PRKG1: variants seen among roughly 807,000 people sequenced by gnomAD.
PRKG1 encodes the protein protein kinase cGMP-dependent 1.
In PRKG1, 35 loss-of-function variants were observed where a neutral mutation model predicts 88.1. The ratio of observed to expected loss-of-function variants is 0.40; its 90% CI spans 0.30 to 0.53. The LOEUF (loss-of-function observed/expected upper bound fraction) is 0.53, where lower values mean the gene tolerates loss of function less well. Ranked by LOEUF, PRKG1 falls within the 20% of genes least tolerant of loss-of-function variation. PRKG1 has a pLI of 0.59. For synonymous variants in PRKG1, 303 were observed against 292.5 expected (o/e 1.04, Z -0.37); for missense variants, 540 against 839.8 (o/e 0.64, Z 4.41).
At position 51,923,411 on chromosome 10, in the gene PRKG1, A is replaced by C. The variant is rs73335466; in HGVS notation, c.762+15841A>C. Among the ~76,000 whole-genome samples the C allele has an allele frequency of 9.4e-3, 1,419 of 151,392 alleles. 23 individuals carry two copies. The highest frequency in any genetic ancestry group is 0.032 in the African/African-American group (1,338 of 41,354). On this transcript the variant is annotated intron_variant, in intron 5 of 17. Transcript: ENST00000373980. ...AAGTAGTTATAGATAATTTGAAATA[A>C]TATCTATCATATTAATATTAGCATA...
intron 9 of PRKG1, among the ~76,000 whole-genome samples, chr10:52,200,483 A>G (rs2132774147): frequency 6.6e-6 from 1 of 152,228 alleles, no homozygotes; most frequent in East Asian, 1.9e-4. Context: ...GGTTGGTTCC[A>G]TGTCTTTGCT....
intron 1 of PRKG1, among the ~76,000 whole-genome samples, chr10:51,075,317 G>A (rs1273534966): frequency 6.6e-6 from 1 of 152,164 alleles, no homozygotes; most frequent in Non-Finnish European, 1.5e-5. Context: ...GAAATGAAAT[G>A]CGTCTGATCA....
intron 2 of PRKG1, among the ~76,000 whole-genome samples, chr10:51,259,124 T>C (rs78737112): frequency 0.01 from 1,565 of 152,314 alleles, 34 homozygotes; most frequent in African/African-American, 0.035. Flanking sequence ...AAATTTAAAA[T>C]ACAGCATATT....
intron 3 of PRKG1, among the ~76,000 whole-genome samples, chr10:51,750,133 A>T (rs1375794930): frequency 1.3e-5 from 2 of 151,948 alleles, no homozygotes. Context: ...ACAGGGTTTC[A>T]TCATATTGGC....
intron 1 of PRKG1, among the ~76,000 whole-genome samples, chr10:51,139,292 A>G (rs893353851): frequency 6.6e-6 from 1 of 152,208 alleles, no homozygotes; most frequent in East Asian, 1.9e-4. Context: ...ACTGAAGCAC[A>G]ATATTCATTT....
intron 2 of PRKG1, among the ~76,000 whole-genome samples, chr10:51,436,054 G>T (rs1838918318): frequency 6.6e-6 from 1 of 151,836 alleles, no homozygotes; most frequent in South Asian, 2.1e-4. Flanking sequence ...AATCTGACTT[G>T]CCAACTACAT....
chr10:51,996,079 G>A (rs1437993200), intron 5 of PRKG1, among the ~76,000 whole-genome samples: 1 of 151,956 alleles, frequency 6.6e-6, no homozygotes, highest in Admixed American at 6.6e-5. Flanking sequence ...TTGGGAGGCT[G>A]AGGCAGATAG....
At chr10:51,117,012 G>C (rs188462074) in intron 1 of PRKG1, among the ~76,000 whole-genome samples, 421 of 151,978 alleles carry the variant, frequency 2.8e-3, no homozygotes, top group African/African-American at 9.1e-3. Context: ...ATGGAGAAAC[G>C]TACTTGAAAT....
At chr10:51,573,501 T>G (rs1837808986) in intron 3 of PRKG1, among the ~76,000 whole-genome samples, 1 of 151,912 alleles carries the variant, frequency 6.6e-6, no homozygotes, top group African/African-American at 2.4e-5. Context: ...ACAAATCAGG[T>G]ACATGTTTTT....
At chr10:52,132,107 A>G (rs570160131) in intron 7 of PRKG1, among the ~76,000 whole-genome samples, 2 of 152,230 alleles carry the variant, frequency 1.3e-5, no homozygotes, top group African/African-American at 4.8e-5. Flanking sequence ...CCCAAGTGAA[A>G]GAAATTATGA....
At chr10:51,073,043 A>G (rs1336579627), upstream of PRKG1, among the ~76,000 whole-genome samples, 1 of 152,244 alleles carries the variant, frequency 6.6e-6, no homozygotes, top group Non-Finnish European at 1.5e-5. Flanking sequence ...TAGTAATCAA[A>G]AATCTGCCAA....
At chr10:52,259,740 C>T (rs1367688635) in intron 10 of PRKG1, among the ~76,000 whole-genome samples, 1 of 152,022 alleles carries the variant, frequency 6.6e-6, no homozygotes, top group African/African-American at 2.4e-5. Flanking sequence ...ATAAGTTAAA[C>T]AAAGGAGAGC....
intron 5 of PRKG1, among the ~76,000 whole-genome samples, chr10:52,030,079 C>T (rs546108403): frequency 2.0e-5 from 3 of 152,300 alleles, no homozygotes; most frequent in African/African-American, 7.2e-5. Flanking sequence ...CCATCAGAGG[C>T]TTCATTTGCC....
chr10:52,257,523 T>C (rs1841338418), intron 10 of PRKG1, among the ~76,000 whole-genome samples: 1 of 139,760 alleles, frequency 7.2e-6, no homozygotes, highest in South Asian at 2.3e-4. Context: ...TATGGAGATC[T>C]TTGGGCAGTA....
At chr10:51,222,014 A>G (rs976177842) in intron 2 of PRKG1, among the ~76,000 whole-genome samples, 3 of 151,376 alleles carry the variant, frequency 2.0e-5, no homozygotes, top group African/African-American at 7.3e-5. Flanking sequence ...AGCTGAGATT[A>G]CAGGTGCCCA....
intron 9 of PRKG1, among the ~76,000 whole-genome samples, chr10:52,167,218 G>T (rs1334777496): frequency 6.6e-6 from 1 of 151,986 alleles, no homozygotes; most frequent in Non-Finnish European, 1.5e-5. Flanking sequence ...AGGCAACAGG[G>T]CATATCACAT....
chr10:51,161,216 T>C (rs1207181508), intron 2 of PRKG1, among the ~76,000 whole-genome samples: 2 of 152,118 alleles, frequency 1.3e-5, no homozygotes, highest in East Asian at 3.9e-4. Context: ...GGTAGGTGAT[T>C]AAGCTGACTA....
chr10:51,957,992 C>T (rs538156379), intron 5 of PRKG1, among the ~76,000 whole-genome samples: 1 of 152,178 alleles, frequency 6.6e-6, no homozygotes, highest in East Asian at 1.9e-4. Flanking sequence ...GGGCAAAATT[C>T]TCAAAGTAGA....
chr10:51,439,022 G>C (rs59492347), intron 2 of PRKG1, among the ~76,000 whole-genome samples: 3 of 144,724 alleles, frequency 2.1e-5, no homozygotes, highest in African/African-American at 2.5e-5. Flanking sequence ...TAAAAAAAAA[G>C]AGAAACCAAT....
Sources: gnomAD v4.1 joint callset for allele counts (sites outside exome capture counted in the v4.1 genomes callset) on GRCh38, gnomAD v4.1.1 for gene constraint, MANE v1.5 for transcripts, NCBI Gene and HGNC (gene_info 2026-07-23, HGNC 2026-07-21) for gene names.